Variants in ZC3H12A observed in about 807,000 individuals in gnomAD.
ZC3H12A encodes endoribonuclease ZC3H12A.
A neutral mutation model predicts 29.9 loss-of-function variants in ZC3H12A; 9 were observed. That is an observed-to-expected ratio of 0.30 (90% CI 0.18 to 0.53). The LOEUF is 0.53. Ranked by LOEUF, ZC3H12A falls within the 20% of genes least tolerant of loss-of-function variation. The pLI, the probability that ZC3H12A is intolerant of heterozygous loss-of-function variation, is 0.96. For missense variants in ZC3H12A, 617 were observed against 799.0 expected, an observed-to-expected ratio of 0.77 and a Z score of 2.75; for synonymous variants, 323 against 338.1, an observed-to-expected ratio of 0.96 and a Z score of 0.49.
rs141726630 is a variant in ZC3H12A at position 37,482,476 on chromosome 1, C to T, written c.861C>T (p.Ser287=). ...PDDPLGRHGP[S]LDNFLRKKPL... is the part of the protein sequence containing the mutation. ...ACCCACTGGGCCGGCACGGGCCCAG[C>T]CTGGACAACTTCCTGCGTAAGAAGC... is the stretch of plus-strand genomic sequence containing the variant. Residue 287 remains serine, a synonymous_variant, in exon 5 of 6, where the codon AGC becomes AGT. Transcript: ENST00000373087. 689 of 1,614,128 alleles carry T rather than the reference C, an allele frequency of 4.3e-4. No homozygotes were observed. Among genetic ancestry groups the T allele is most frequent in the Non-Finnish European group, 5.2e-4 (614 of 1,180,000 alleles).
rs753060723 is a variant in ZC3H12A, at chr1:37,482,839, T to TGGGA, written c.1028_1029insGGGA (p.Ser344GlyfsTer30). On this transcript the variant is annotated frameshift_variant, in exon 6 of 6. Coordinates refer to ENST00000373087, the MANE Select transcript of ZC3H12A (RefSeq NM_025079.3). LOFTEE classifies it low-confidence loss of function (END_TRUNC). Reference sequence around the variant, plus strand: ...GATGAGCTCCGTGCCAATGCTCTCCTCTCACCCCCCAGAGCCCCAAGCAAG... The same window carrying TGGGA: ...GATGAGCTCCGTGCCAATGCTCTCCTGGGACTCACCCCCCAGAGCCCCAAGCAAG... The TGGGA allele has an allele frequency of 1.2e-6, 2 of 1,613,720 alleles. No individual in the cohort carries two copies. The highest frequency in any genetic ancestry group is 1.7e-6 in the Non-Finnish European group (2 of 1,179,946).
In ZC3H12A at chr1:37,479,023, G is replaced by A; in HGVS notation, c.444-1267G>A. ...ACCTCCCTCCCTAGCTTCTCTTAGG[G>A]CTCCAGCTATCACCCCTTACCTCCC... On this transcript the variant is annotated intron_variant, in intron 2 of 5. Coordinates refer to ENST00000373087, the MANE Select transcript of ZC3H12A (RefSeq NM_025079.3). The surrounding 1 kb of genome is among the most constrained non-coding windows in gnomAD (Gnocchi z 4.5). The A allele has an allele frequency of 2.0e-6, 2 of 985,160 alleles. No individual in the cohort carries two copies. Among genetic ancestry groups the A allele is most frequent in the Non-Finnish European group, 2.4e-6 (2 of 829,864 alleles). The allele number at this position is 985,160 out of a possible 1,614,324, so 61.0% of individuals were successfully genotyped here.
chr1:37,476,616 G>A lies in ZC3H12A; in HGVS notation c.443+677G>A, dbSNP rs1442994217. Among the ~76,000 whole-genome samples, 1 of 152,148 alleles carries A rather than the reference G, an allele frequency of 6.6e-6. No individual in the cohort carries two copies. Among genetic ancestry groups the A allele is most frequent in the Non-Finnish European group, 1.5e-5 (1 of 68,014 alleles). ...GGACCAGTCTCTGGAGGTTCCCCGG[G>A]GCCAGAGCCAGGACTCAGCCCCCAG... On this transcript the variant is annotated intron_variant, in intron 2 of 5. Coordinates refer to ENST00000373087, the MANE Select transcript of ZC3H12A (RefSeq NM_025079.3). This position sits in a 1 kb window ranked among gnomAD's most constrained non-coding sequence, Gnocchi z 6.0.
chr1:37,481,486 C>CTGGGGTGAAGGAGGTCGG, intron 3 of ZC3H12A, 115 bp from the exon 4 acceptor site: 2 of 971,532 alleles, frequency 2.1e-6, no homozygotes, highest in African/African-American at 1.6e-5. Flanking sequence ...GTTCTTGCCC[C>CTGGGGTGAAGGAGGTCGG]GGTGACCTTG....
rs560087543 is a variant in ZC3H12A at position 37,480,020 on chromosome 1, G to A, written c.444-270G>A. 4.2e-6 allele frequency: 5 copies of A among 1,186,322 alleles called. No homozygotes were observed. The South Asian group carries it at 1.3e-4, about 31-fold the overall frequency. 73.5% of individuals were successfully genotyped at this position (1,186,322 alleles called of 1,614,324 possible). ...CACTTTCAGGAGATGGAGCCTCAGG[G>A]AAAGTCCCAGCGGGGCCTGGCCATC... On this transcript the variant is annotated intron_variant, in intron 2 of 5. Transcript: ENST00000373087.
chr1:37,480,306 GTCT>G lies in ZC3H12A; in HGVS notation c.464_466del (p.Phe155del), dbSNP rs1407905582. ...CCCTCCCAGCCATGGGAACAAGGAG[GTCT>G]TCTCCTGCCGGGGCATCCTGCTGGC... On this transcript the variant is annotated inframe_deletion, in exon 3 of 6. Coordinates refer to ENST00000373087, the MANE Select transcript of ZC3H12A (RefSeq NM_025079.3). The G allele has an allele frequency of 6.2e-7, 1 of 1,613,774 alleles. No individual in the cohort carries two copies. Among genetic ancestry groups the G allele is most frequent in the South Asian group, 1.1e-5 (1 of 91,054 alleles).
At position 37,478,854 on chromosome 1, in the gene ZC3H12A, A is replaced by C. The variant is rs1024153317; in HGVS notation, c.444-1436A>C. On this transcript the variant is annotated intron_variant, in intron 2 of 5. Coordinates refer to ENST00000373087, the MANE Select transcript of ZC3H12A (RefSeq NM_025079.3). The surrounding 1 kb of genome is among the most constrained non-coding windows in gnomAD (Gnocchi z 5.2). The stretch of plus-strand genomic sequence containing the variant: ...TCAGCAAATGGGAACTTTTATTATA[A>C]GCAGGCTGGCAGATGTGGCAGAGGG... 2.0e-4 allele frequency: 196 copies of C among 985,254 alleles called. No individual in the cohort carries two copies. Among genetic ancestry groups the C allele is most frequent in the Non-Finnish European group, 2.3e-4 (193 of 829,910 alleles). The allele number at this position is 985,254 out of a possible 1,614,324, so 61.0% of individuals were successfully genotyped here.
At position 37,478,951 on chromosome 1, in the gene ZC3H12A, T is replaced by C; in HGVS notation, c.444-1339T>C. The C allele has an allele frequency of 1.0e-6, 1 of 985,308 alleles. No individual in the cohort carries two copies. Among genetic ancestry groups the C allele is most frequent in the Non-Finnish European group, 1.2e-6 (1 of 829,908 alleles). 61.0% of individuals were successfully genotyped at this position (985,308 alleles called of 1,614,324 possible). On this transcript the variant is annotated intron_variant, in intron 2 of 5. Transcript: ENST00000373087. This position sits in a 1 kb window ranked among gnomAD's most constrained non-coding sequence, Gnocchi z 5.2. ...CAATTTAGAGACCTTCAGACCCTGGTGCCCCAGTCTTGCCCCCAAATAGCC... is the reference window on the plus strand; with the variant it reads ...CAATTTAGAGACCTTCAGACCCTGGCGCCCCAGTCTTGCCCCCAAATAGCC...
chr1:37,480,567 T>C, intron 3 of ZC3H12A, 138 bp downstream of exon 3: 7 of 1,273,122 alleles, frequency 5.5e-6, no homozygotes, highest in Non-Finnish European at 7.4e-6. Flanking sequence ...GTTTTTTCTG[T>C]CCTTAGCAAC....
In ZC3H12A at chr1:37,479,850, C is replaced by G. The variant is rs558110480; in HGVS notation, c.444-440C>G. On this transcript the variant is annotated intron_variant, in intron 2 of 5. Transcript: ENST00000373087. The surrounding 1 kb of genome is among the most constrained non-coding windows in gnomAD (Gnocchi z 4.5). ...GGTGACTCAGTGTGCATGTGTACATCTGTCCCTGTGGTCCCGGCAGCTCGC... is the reference window on the plus strand; with the variant it reads ...GGTGACTCAGTGTGCATGTGTACATGTGTCCCTGTGGTCCCGGCAGCTCGC... 12 of 1,005,952 alleles carry G rather than the reference C, an allele frequency of 1.2e-5. No individual in the cohort carries two copies. The East Asian group carries it at 1.2e-3, about 101-fold the overall frequency. The allele number at this position is 1,005,952 out of a possible 1,614,324, so 62.3% of individuals were successfully genotyped here.
At position 37,475,838 on chromosome 1, in the gene ZC3H12A, C is replaced by CA; in HGVS notation, c.343dup (p.Thr115AsnfsTer3). 6.2e-7 allele frequency: 1 copy of CA among 1,600,672 alleles called. No individual in the cohort carries two copies. Among genetic ancestry groups the CA allele is most frequent in the Non-Finnish European group, 8.5e-7 (1 of 1,171,748 alleles). ...TCCCTCTAGTCCCGCGGGGTGGTGG[C>CA]ACCCCTAAGGCTCCCAACCTGGAGC... On this transcript the variant is annotated frameshift_variant, in exon 2 of 6. Transcript: ENST00000373087. LOFTEE classifies it high-confidence loss of function. This position sits in a 1 kb window ranked among gnomAD's most constrained non-coding sequence, Gnocchi z 5.2.
Position 37,475,687 on chromosome 1 carries a change from A to T in ZC3H12A, c.191A>T (p.Glu64Val), listed in dbSNP as rs747328725. The change falls in exon 2 of 6, where the codon GAG becomes GTG. Residue 64 changes from glutamate (E) to valine (V), a missense_variant. Physicochemically the swap from Glu to Val is moderately radical, Grantham distance 121 (BLOSUM62 -2). Transcript: ENST00000373087. This position sits in a 1 kb window ranked among gnomAD's most constrained non-coding sequence, Gnocchi z 5.2. ...FFRKLGYSST[E>V]IHSVLQKLGV... ...CGGAAGCTGGGCTATTCATCCACGG[A>T]GATCCACAGCGTCCTGCAGAAGCTG... 4.3e-6 allele frequency: 7 copies of T among 1,614,140 alleles called. No homozygotes were observed. The highest frequency in any genetic ancestry group is 5.9e-6 in the Non-Finnish European group (7 of 1,180,048).
Position 37,479,805 on chromosome 1 carries a change from G to T in ZC3H12A, c.444-485G>T. On this transcript the variant is annotated intron_variant, in intron 2 of 5. Coordinates refer to ENST00000373087, the MANE Select transcript of ZC3H12A (RefSeq NM_025079.3). This position sits in a 1 kb window ranked among gnomAD's most constrained non-coding sequence, Gnocchi z 4.5. ...TGCTTCCCCCGCCCCCACCCACGCT[G>T]CAAGAGGCGAGGGAGGGGTGGTGAC... 3 of 985,420 alleles carry T rather than the reference G, an allele frequency of 3.0e-6. No homozygotes were observed. The highest frequency in any genetic ancestry group is 3.6e-6 in the Non-Finnish European group (3 of 829,924). 61.0% of individuals were successfully genotyped at this position (985,420 alleles called of 1,614,324 possible). A position where few individuals can be genotyped will look rare whatever the true frequency, so the allele number is the denominator to read the frequency against.
In ZC3H12A at chr1:37,483,481, A is replaced by G. The variant is rs537757888; in HGVS notation, c.1670A>G (p.Tyr557Cys). ...GSLAKEQASV[Y>C]TKLCGVFPPH... ...CTGGCCAAGGAGCAGGCCAGCGTGT[A>G]TACTAAGCTGTGTGGTGTGTTTCCC... Residue 557 changes from tyrosine (Y) to cysteine (C), a missense_variant, in exon 6 of 6, where the codon TAT (tyrosine) becomes TGT (cysteine). Transcript: ENST00000373087. 1 of 1,614,016 alleles carries G rather than the reference A, an allele frequency of 6.2e-7. No individual in the cohort carries two copies. The highest frequency in any genetic ancestry group is 2.2e-5 in the East Asian group (1 of 44,874).
At position 37,483,251 on chromosome 1, in the gene ZC3H12A, C is replaced by T. The variant is rs1641753426; in HGVS notation, c.1440C>T (p.Ala480=). The T allele has an allele frequency of 1.2e-6, 2 of 1,613,944 alleles. No homozygotes were observed. The highest frequency in any genetic ancestry group is 1.1e-5 in the South Asian group (1 of 91,090). ...GYSPYGSELP[A]TAAFSAFGRA... The stretch of plus-strand genomic sequence containing the variant: ...GTCCCTATGGATCTGAGCTCCCAGC[C>T]ACCGCAGCCTTCTCTGCCTTTGGCC... Residue 480 remains alanine, a synonymous_variant, in exon 6 of 6, where the codon GCC becomes GCT. Transcript: ENST00000373087.
In ZC3H12A at chr1:37,482,992, T is replaced by C. The variant is rs780819365; in HGVS notation, c.1181T>C (p.Leu394Pro). 8 of 1,610,640 alleles carry C rather than the reference T, an allele frequency of 5.0e-6. No individual in the cohort carries two copies. Among genetic ancestry groups the C allele is most frequent in the Non-Finnish European group, 6.8e-6 (8 of 1,178,674 alleles). ...TCCCCAGGGTCCCGCCAAGAGGGTC[T>C]AACACAGACCTATGCCCCATCAGGC... ...QASPGSRQEG[L>P]TQTYAPSGRS... Residue 394 changes from leucine (L) to proline (P), a missense_variant, in exon 6 of 6, where the codon CTA (leucine) becomes CCA (proline). Leu to Pro is a moderately conservative substitution (Grantham distance 98, BLOSUM62 -3). Coordinates refer to ENST00000373087, the MANE Select transcript of ZC3H12A (RefSeq NM_025079.3).
At position 37,476,084 on chromosome 1, in the gene ZC3H12A, C is replaced by T. The variant is rs975245182; in HGVS notation, c.443+145C>T. 8 of 908,644 alleles carry T rather than the reference C, an allele frequency of 8.8e-6. No individual in the cohort carries two copies. In the African/African-American group the frequency reaches 1.0e-4, roughly 11 times the overall value. The allele number at this position is 908,644 out of a possible 1,614,324, so 56.3% of individuals were successfully genotyped here. A position where few individuals can be genotyped will look rare whatever the true frequency, so the allele number is the denominator to read the frequency against. On this transcript the variant is annotated intron_variant, in intron 2 of 5. Transcript: ENST00000373087. The surrounding 1 kb of genome is among the most constrained non-coding windows in gnomAD (Gnocchi z 6.0). ...GGGACTGGTCTAGAGGGAGGGAAAGCCTTTTATGAGGCTAGGGTCGCGCTA... is the reference window on the plus strand; with the variant it reads ...GGGACTGGTCTAGAGGGAGGGAAAGTCTTTTATGAGGCTAGGGTCGCGCTA...
Position 37,475,393 on chromosome 1 carries a change from T to G in ZC3H12A, c.-38-66T>G. 20 of 1,215,190 alleles carry G rather than the reference T, an allele frequency of 1.6e-5. No individual in the cohort carries two copies. The highest frequency in any genetic ancestry group is 2.3e-5 in the Non-Finnish European group (20 of 872,310). The allele number at this position is 1,215,190 out of a possible 1,614,324, so 75.3% of individuals were successfully genotyped here. A position where few individuals can be genotyped will look rare whatever the true frequency, so the allele number is the denominator to read the frequency against. ...GCCACCAATCCCTCATCCTGCTGGA[T>G]GTGGTTTTGGGAGGGAGGTTAGGAG... On this transcript the variant is annotated intron_variant, in intron 1 of 5. Coordinates refer to ENST00000373087, the MANE Select transcript of ZC3H12A (RefSeq NM_025079.3). This position sits in a 1 kb window ranked among gnomAD's most constrained non-coding sequence, Gnocchi z 5.2.
chr1:37,479,146 A>G lies in ZC3H12A; in HGVS notation c.444-1144A>G. On this transcript the variant is annotated intron_variant, in intron 2 of 5. Coordinates refer to ENST00000373087, the MANE Select transcript of ZC3H12A (RefSeq NM_025079.3). The surrounding 1 kb of genome is among the most constrained non-coding windows in gnomAD (Gnocchi z 4.5). ...TTTTATTTGCCAAATACGAGAGTCT[A>G]AGCTGTTCACTGAGGGGGCAGTGAG... 1 of 985,408 alleles carries G rather than the reference A, an allele frequency of 1.0e-6. No homozygotes were observed. Among genetic ancestry groups the G allele is most frequent in the Non-Finnish European group, 1.2e-6 (1 of 829,920 alleles). The allele number at this position is 985,408 out of a possible 1,614,324, so 61.0% of individuals were successfully genotyped here. A position where few individuals can be genotyped will look rare whatever the true frequency, so the allele number is the denominator to read the frequency against.
Sources: gnomAD v4.1 joint callset for allele counts (sites outside exome capture counted in the v4.1 genomes callset) on GRCh38, gnomAD v4.1.1 for gene constraint, Gnocchi (gnomAD v3.1) non-coding constraint, MANE v1.5 for transcripts, NCBI Gene and HGNC (gene_info 2026-07-23, HGNC 2026-07-21) for gene names.